Variants in ZNF566 observed in about 807,000 individuals in gnomAD.
ZNF566 encodes the protein zinc finger protein 566.
ZNF566 carries 27 observed loss-of-function variants against 32.8 expected under a neutral mutation model. The ratio of observed to expected loss-of-function variants is 0.82; its 90% CI spans 0.61 to 1.14. The LOEUF (loss-of-function observed/expected upper bound fraction) is 1.14. Among genes scored for constraint, ZNF566 ranks in the 50% most tolerant of loss-of-function variants. The pLI, the probability that ZNF566 is intolerant of heterozygous loss-of-function variation, is 0.00. For missense variants in ZNF566, 402 were observed against 490.4 expected (o/e 0.82, Z 1.70); for synonymous variants, 154 against 159.5 (o/e 0.97, Z 0.26).
intron 1 of ZNF566, among the ~76,000 whole-genome samples, chr19:36,479,653 G>A (rs1413429723): frequency 1.3e-5 from 2 of 152,118 alleles, no homozygotes; most frequent in Non-Finnish European, 2.9e-5. Context: ...TTTTGTTTTT[G>A]AATCAGGGTC....
At chr19:36,476,680 T>G in intron 1 of ZNF566, 64 bp from the exon 2 acceptor site, 5 of 1,339,008 alleles carry the variant, frequency 3.7e-6, no homozygotes, top group Non-Finnish European at 5.1e-6. Context: ...CCCAGAATGA[T>G]CATTTTCCTT....
chr19:36,473,516 G>C, intron 2 of ZNF566, 58 bp from the exon 3 acceptor site: 3 of 1,461,734 alleles, frequency 2.1e-6, no homozygotes, highest in Non-Finnish European at 2.7e-6. Context: ...CTTTTGTGAA[G>C]GAAAGAGAGA....
In ZNF566 at chr19:36,449,092, T is replaced by G; in HGVS notation, c.1142A>C (p.Gln381Pro). The G allele has an allele frequency of 1.2e-6, 2 of 1,614,130 alleles. No homozygotes were observed. The highest frequency in any genetic ancestry group is 1.7e-6 in the Non-Finnish European group (2 of 1,180,004). Residue 381 changes from glutamine to proline, a missense_variant, in exon 5 of 5, where the codon CAG becomes CCG. By Grantham distance (76) the Gln-to-Pro change is moderately conservative (BLOSUM62 -1). Around this residue, in one of 3 missense-constraint regions of ZNF566, gnomAD observed 135 missense variants for 210.0 expected, o/e 0.64. Coordinates refer to ENST00000452939, the MANE Select transcript of ZNF566 (RefSeq NM_001145344.1). ...ATGAATTCTATGATGACTAATAAGC[T>G]GTGAACTCTGAGAATAAGCCTTCCC... ...ICGKAYSQSS[Q>P]LISHHRIHTS...
rs1370339882 is a variant in ZNF566, at chr19:36,448,645, AG to A, written c.*331del. ...AATTAGGGGAAAAAATGACAATCAC[AG>A]GACTACATTTCTACAAAAATTCTCT... is the stretch of plus-strand genomic sequence containing the variant. On this transcript the variant is annotated 3_prime_UTR_variant, in exon 5 of 5. Transcript: ENST00000452939. 5.5e-6 allele frequency: 1 copy of A among 183,072 alleles called. No individual in the cohort carries two copies. The highest frequency in any genetic ancestry group is 1.4e-4 in the East Asian group (1 of 6,984). 11.3% of individuals were successfully genotyped at this position (183,072 alleles called of 1,614,324 possible). A position where few individuals can be genotyped will look rare whatever the true frequency, so the allele number is the denominator to read the frequency against.
At chr19:36,459,667 C>T (rs1200986879) in intron 4 of ZNF566, among the ~76,000 whole-genome samples, 7 of 151,348 alleles carry the variant, frequency 4.6e-5, no homozygotes, top group African/African-American at 1.2e-4. Context: ...TGCGCCACCA[C>T]GCCCGGCTAA....
At chr19:36,450,144 G>A (rs1261915878) in intron 4 of ZNF566, 143 bp from the exon 5 acceptor site, 6 of 672,728 alleles carry the variant, frequency 8.9e-6, no homozygotes, top group African/African-American at 3.6e-5. Flanking sequence ...TACATAATAA[G>A]ATGAGGGTAG....
At chr19:36,468,411 G>A (rs2033681067) in intron 4 of ZNF566, among the ~76,000 whole-genome samples, 2 of 151,554 alleles carry the variant, frequency 1.3e-5, no homozygotes, top group African/African-American at 4.9e-5. Context: ...TTAGAGATCA[G>A]CCTGGTCAAC....
intron 4 of ZNF566, among the ~76,000 whole-genome samples, chr19:36,467,066 C>CA (rs1225047396): frequency 0.016 from 1,623 of 101,042 alleles, 17 homozygotes; most frequent in Middle Eastern, 0.093. Flanking sequence ...GAGACTCCGT[C>CA]AAAAAAAAAA....
In ZNF566 at chr19:36,448,768, C is replaced by T. The variant is rs2033058482; in HGVS notation, c.*209G>A. 1 of 445,156 alleles carries T rather than the reference C, an allele frequency of 2.2e-6. No homozygotes were observed. The highest frequency in any genetic ancestry group is 3.9e-6 in the Non-Finnish European group (1 of 256,042). 27.6% of individuals were successfully genotyped at this position (445,156 alleles called of 1,614,324 possible). On this transcript the variant is annotated 3_prime_UTR_variant, in exon 5 of 5. Coordinates refer to ENST00000452939, the MANE Select transcript of ZNF566 (RefSeq NM_001145344.1). ...ATTGCTAGACTGAATTATCTGATGTCAAGAGAAGTAAGCGTTTAGTTAAGG... is the reference window on the plus strand; with the variant it reads ...ATTGCTAGACTGAATTATCTGATGTTAAGAGAAGTAAGCGTTTAGTTAAGG...
chr19:36,469,402 T>C (rs1197460645), intron 4 of ZNF566, among the ~76,000 whole-genome samples: 1 of 152,030 alleles, frequency 6.6e-6, no homozygotes, highest in African/African-American at 2.4e-5. Context: ...TTGCCAGGCA[T>C]GGTGGCGGGT....
In ZNF566 at chr19:36,447,629, T is replaced by G. The variant is rs1669285972; in HGVS notation, c.*1348A>C. The stretch of plus-strand genomic sequence containing the variant: ...TATGATGCTGTTTCTCTTTTCATAC[T>G]TTTTTTCCTCATTAGTGCACCAATA... On this transcript the variant is annotated 3_prime_UTR_variant, in exon 5 of 5. Coordinates refer to ENST00000452939, the MANE Select transcript of ZNF566 (RefSeq NM_001145344.1). 1 of 152,186 alleles carries G rather than the reference T, an allele frequency of 6.6e-6. No individual in the cohort carries two copies. Among genetic ancestry groups the G allele is most frequent in the African/African-American group, 2.4e-5 (1 of 41,454 alleles). 9.4% of individuals were successfully genotyped at this position (152,186 alleles called of 1,614,324 possible). A position where few individuals can be genotyped will look rare whatever the true frequency, so the allele number is the denominator to read the frequency against.
At position 36,465,527 on chromosome 19, in the gene ZNF566, G is replaced by A. The variant is rs552290297; in HGVS notation, c.232+7384C>T. Among the ~76,000 whole-genome samples, 5 of 151,428 alleles carry A rather than the reference G, an allele frequency of 3.3e-5. No individual in the cohort carries two copies. In the South Asian group the frequency reaches 8.4e-4, roughly 25 times the overall value. ...GTCTTGCTCTGTAGCCCAGGAGTGC[G>A]GTGGCACGATCTCAACTCACTGTAA... On this transcript the variant is annotated intron_variant, in intron 4 of 4. Coordinates refer to ENST00000452939, the MANE Select transcript of ZNF566 (RefSeq NM_001145344.1).
chr19:36,458,713 T>A (rs1004593448), intron 4 of ZNF566, among the ~76,000 whole-genome samples: 5 of 152,258 alleles, frequency 3.3e-5, no homozygotes, highest in African/African-American at 1.2e-4. Context: ...TGGGAGTAGA[T>A]CTTAATGTTC....
At chr19:36,470,636 C>T (rs746693217) in intron 4 of ZNF566, among the ~76,000 whole-genome samples, 1 of 152,070 alleles carries the variant, frequency 6.6e-6, no homozygotes, top group Non-Finnish European at 1.5e-5. Flanking sequence ...CAAGGACAGG[C>T]GCAGTGGCTC....
intron 1 of ZNF566, among the ~76,000 whole-genome samples, chr19:36,480,333 G>A (rs1048740563): frequency 2.8e-5 from 4 of 144,840 alleles, no homozygotes; most frequent in Non-Finnish European, 4.5e-5. Context: ...CACGCAGGCT[G>A]GAGTGCAGTG....
intron 4 of ZNF566, among the ~76,000 whole-genome samples, chr19:36,453,918 G>A (rs559698979): frequency 1.4e-4 from 21 of 152,192 alleles, no homozygotes; most frequent in Admixed American, 5.2e-4. Context: ...CTGCCTCCCA[G>A]GTTCAAGTGA....
Position 36,468,053 on chromosome 19 carries a change from C to T in ZNF566, c.232+4858G>A, listed in dbSNP as rs1171797348. 9.3e-5 allele frequency among the ~76,000 whole-genome samples: 14 copies of T among 150,784 alleles called. No individual in the cohort carries two copies. The South Asian group carries it at 1.5e-3, about 16-fold the overall frequency. On this transcript the variant is annotated intron_variant, in intron 4 of 4. Transcript: ENST00000452939. ...ATACAAAATTAGCCGGGCGTGGTGG[C>T]GCATGCCTGTAATCCCAGCTACTTC... is the stretch of plus-strand genomic sequence containing the variant.
intron 1 of ZNF566, among the ~76,000 whole-genome samples, chr19:36,480,665 AATT>A (rs1427710920): frequency 1.6e-5 from 2 of 128,520 alleles, no homozygotes; most frequent in African/African-American, 5.5e-5. Flanking sequence ...GAAAAAAAAA[AATT>A]AACCTTTACC....
At chr19:36,480,929 G>A (rs962086331) in intron 1 of ZNF566, among the ~76,000 whole-genome samples, 39 of 152,072 alleles carry the variant, frequency 2.6e-4, no homozygotes, top group Non-Finnish European at 5.3e-4. Context: ...TGTAATCCCA[G>A]CTACTCAGGA....
Sources: allele counts gnomAD v4.1 joint callset (sites outside exome capture counted in the v4.1 genomes callset), GRCh38; gene constraint gnomAD v4.1.1; regional missense constraint gnomAD v4.1.1; transcripts MANE v1.5; gene names NCBI Gene and HGNC (gene_info 2026-07-23, HGNC 2026-07-21).